The following SYN3 variants were observed in gnomAD, a reference collection of about 807,000 sequenced individuals.
The protein encoded by SYN3 is synapsin-3.
SYN3 carries 35 observed loss-of-function variants against 65.8 expected under a neutral mutation model. That is an observed-to-expected ratio of 0.53 (90% CI 0.41 to 0.70). The LOEUF (loss-of-function observed/expected upper bound fraction) is 0.70. Among genes scored for constraint, SYN3 ranks in the 30% least tolerant of loss-of-function variants. SYN3 has a pLI of 0.00. For missense variants in SYN3, 680 were observed against 749.0 expected (o/e 0.91, Z 1.08); for synonymous variants, 270 against 292.9 (o/e 0.92, Z 0.80).
chr22:32,818,791 G>T (rs1375510214), intron 6 of SYN3, among the ~76,000 whole-genome samples: 4 of 152,204 alleles, frequency 2.6e-5, no homozygotes, highest in Non-Finnish European at 5.9e-5. Context: ...AGAAGGGGAA[G>T]TGACTGGCAA....
intron 6 of SYN3, among the ~76,000 whole-genome samples, chr22:32,726,585 G>A (rs1177134294): frequency 6.6e-6 from 1 of 152,196 alleles, no homozygotes; most frequent in Non-Finnish European, 1.5e-5. Context: ...CCACTCCCTA[G>A]TGCATCTGAA....
intron 2 of SYN3, among the ~76,000 whole-genome samples, chr22:33,000,418 C>G (rs534274703): frequency 9.9e-5 from 15 of 152,274 alleles, no homozygotes; most frequent in Middle Eastern, 3.4e-3. Context: ...GATGAAAGGT[C>G]TCTCTCCAGG....
Position 33,002,878 on chromosome 22 carries a change from G to A in SYN3, c.311+3474C>T, listed in dbSNP as rs567321734. ...ACTCACCCAAATCTTATCTTAAACT[G>A]TAGTTCCCATAATCTCTATGTGTTG... On this transcript the variant is annotated intron_variant, in intron 2 of 13. Coordinates refer to ENST00000358763, the MANE Select transcript of SYN3 (RefSeq NM_003490.4). 3.4e-4 allele frequency among the ~76,000 whole-genome samples: 52 copies of A among 152,232 alleles called. 1 individual carries two copies. In the South Asian group the frequency reaches 5.4e-3, roughly 16 times the overall value.
intron 6 of SYN3, among the ~76,000 whole-genome samples, chr22:32,829,897 T>G (rs2047524187): frequency 6.6e-6 from 1 of 152,224 alleles, no homozygotes; most frequent in South Asian, 2.1e-4. Flanking sequence ...CCTGACAGAC[T>G]TAAATGAGAA....
At chr22:32,810,209 T>G (rs1477313425) in intron 6 of SYN3, among the ~76,000 whole-genome samples, 2 of 152,154 alleles carry the variant, frequency 1.3e-5, no homozygotes, top group Non-Finnish European at 2.9e-5. Flanking sequence ...AAAATTAGTG[T>G]TTGTAGCTTC....
At chr22:32,675,080 T>G (rs2060421384) in intron 6 of SYN3, among the ~76,000 whole-genome samples, 2 of 152,168 alleles carry the variant, frequency 1.3e-5, no homozygotes, top group African/African-American at 4.8e-5. Flanking sequence ...AGCTCTTGTT[T>G]CATGGAAGAA....
intron 6 of SYN3, chr22:32,802,082 G>T: frequency 1.3e-6 from 2 of 1,578,438 alleles, no homozygotes; most frequent in Non-Finnish European, 1.7e-6. Flanking sequence ...GCACATGCTC[G>T]CCCAGCCACC....
intron 6 of SYN3, among the ~76,000 whole-genome samples, chr22:32,636,285 C>T (rs113199573): frequency 2.6e-5 from 4 of 151,996 alleles, no homozygotes; most frequent in African/African-American, 9.7e-5. Flanking sequence ...GCCTGTAGTC[C>T]CAGCTACTCT....
intron 6 of SYN3, among the ~76,000 whole-genome samples, chr22:32,751,146 G>T (rs555186704): frequency 6.6e-6 from 1 of 151,444 alleles, no homozygotes; most frequent in African/African-American, 2.5e-5. Flanking sequence ...ACCCAGTGAC[G>T]CCAGGAGGGA....
At chr22:32,968,146 C>T (rs1270429407) in intron 3 of SYN3, among the ~76,000 whole-genome samples, 2 of 152,206 alleles carry the variant, frequency 1.3e-5, no homozygotes, top group Admixed American at 6.5e-5. Context: ...TGACTCCATC[C>T]TCTCAGTCTT....
intron 10 of SYN3, 51 bp from the exon 11 acceptor site, chr22:32,529,059 G>A (rs370157464): frequency 4.0e-5 from 65 of 1,610,252 alleles, no homozygotes; most frequent in Admixed American, 5.0e-5. Context: ...GAGAGATGGC[G>A]GTTGGGCATC....
At chr22:32,522,550 TA>T (rs1401822272) in intron 12 of SYN3, among the ~76,000 whole-genome samples, 1 of 152,188 alleles carries the variant, frequency 6.6e-6, no homozygotes, top group Non-Finnish European at 1.5e-5. Context: ...CTTATTACTA[TA>T]GAATTCTTGC....
chr22:32,862,879 T>G lies in SYN3; in HGVS notation c.711+2036A>C, dbSNP rs1802677. Reference sequence around the variant, plus strand: ...GATCTCGAACCCTGTCTAGAAGGAATGTATTTGTTGCTAAATTTCGTAGCA... The same window carrying G: ...GATCTCGAACCCTGTCTAGAAGGAAGGTATTTGTTGCTAAATTTCGTAGCA... On this transcript the variant is annotated intron_variant, in intron 6 of 13. Coordinates refer to ENST00000358763, the MANE Select transcript of SYN3 (RefSeq NM_003490.4). The G allele has an allele frequency of 3.9e-5, 6 of 152,728 alleles. No homozygotes were observed. In the South Asian group the frequency reaches 1.2e-3, roughly 32 times the overall value. 9.5% of individuals were successfully genotyped at this position (152,728 alleles called of 1,614,324 possible). A position where few individuals can be genotyped will look rare whatever the true frequency, so the allele number is the denominator to read the frequency against.
At chr22:32,904,275 A>G (rs1253155975) in intron 4 of SYN3, among the ~76,000 whole-genome samples, 1 of 152,214 alleles carries the variant, frequency 6.6e-6, no homozygotes, top group Non-Finnish European at 1.5e-5. Context: ...TGCTAGTGAT[A>G]CTGCAATATG....
chr22:32,601,468 G>A (rs1444867596), intron 6 of SYN3, among the ~76,000 whole-genome samples: 1 of 152,090 alleles, frequency 6.6e-6, no homozygotes, highest in African/African-American at 2.4e-5. Context: ...TAGTAGAGAC[G>A]GGGTTTCACC....
intron 6 of SYN3, among the ~76,000 whole-genome samples, chr22:32,864,104 T>C (rs565436009): frequency 6.6e-6 from 1 of 152,182 alleles, no homozygotes; most frequent in South Asian, 2.1e-4. Context: ...AAGCCTGAGC[T>C]TGGACTCTAC....
In SYN3 at chr22:32,867,318, G is replaced by A. The variant is rs184524658; in HGVS notation, c.621+1648C>T. Among the ~76,000 whole-genome samples, 33 of 152,274 alleles carry A rather than the reference G, an allele frequency of 2.2e-4. No homozygotes were observed. In the East Asian group the frequency reaches 6.2e-3, roughly 29 times the overall value. On this transcript the variant is annotated intron_variant, in intron 5 of 13. Transcript: ENST00000358763. ...TATTTGGCATAAGTATTAAAGCACC[G>A]CACATGCCCCTGCTCACTAGAATGT...
chr22:32,736,688 T>G (rs1196856812), intron 6 of SYN3, among the ~76,000 whole-genome samples: 1 of 152,156 alleles, frequency 6.6e-6, no homozygotes, highest in Non-Finnish European at 1.5e-5. Context: ...TCTATGCCCT[T>G]AAGAATCATG....
intron 7 of SYN3, among the ~76,000 whole-genome samples, chr22:32,595,761 C>T (rs1056785633): frequency 3.2e-4 from 48 of 152,238 alleles, no homozygotes; most frequent in African/African-American, 9.6e-4. Flanking sequence ...TGAGTTCTCA[C>T]GAGATCTGGT....
Sources: allele counts gnomAD v4.1 joint callset (sites outside exome capture counted in the v4.1 genomes callset), GRCh38; gene constraint gnomAD v4.1.1; transcripts MANE v1.5; gene names NCBI Gene and HGNC (gene_info 2026-07-23, HGNC 2026-07-21).